Variants in RFX2 observed in about 807,000 individuals in gnomAD.
RFX2 encodes the protein DNA-binding protein RFX2.
RFX2 carries 20 observed loss-of-function variants against 87.8 expected under a neutral mutation model. That is an observed-to-expected ratio of 0.23 (90% CI 0.16 to 0.33). The LOEUF (loss-of-function observed/expected upper bound fraction) is 0.33, where lower values mean the gene tolerates loss of function less well. RFX2 is among the 10% of genes least tolerant of loss of function. The pLI is 1.00. For missense variants in RFX2, 767 were observed against 1,012.3 expected (o/e 0.76, Z 3.29); for synonymous variants, 397 against 431.3 (o/e 0.92, Z 0.98).
At position 6,074,426 on chromosome 19, in the gene RFX2, G is replaced by A. The variant is rs72991066; in HGVS notation, c.-8-26922C>T. 0.054 allele frequency among the ~76,000 whole-genome samples: 8,198 copies of A among 152,168 alleles called. 385 individuals are homozygous for A. The highest frequency in any genetic ancestry group is 0.19 in the South Asian group (939 of 4,822). On this transcript the variant is annotated intron_variant, in intron 1 of 17. Coordinates refer to ENST00000303657, the MANE Select transcript of RFX2 (RefSeq NM_000635.4). The surrounding 1 kb of genome is among the most constrained non-coding windows in gnomAD (Gnocchi z 5.2). ...TCTCCTCACCCCACACAGTGCCCTG[G>A]GTACAGGGGCTGGGGCTTGAAGGGT... is the stretch of plus-strand genomic sequence containing the variant.
intron 5 of RFX2, among the ~76,000 whole-genome samples, chr19:6,035,850 G>GGGGGGTGTGTGTGTGT (rs1555776252): frequency 7.3e-6 from 1 of 137,166 alleles, no homozygotes; most frequent in African/African-American, 3.0e-5. Flanking sequence ...CTTGGTGGGG[G>GGGGGGTGTGTGTGTGT]GTGTGTGTGT....
chr19:6,018,206 G>A (rs2086756940), intron 6 of RFX2, among the ~76,000 whole-genome samples: 1 of 152,192 alleles, frequency 6.6e-6, no homozygotes, highest in African/African-American at 2.4e-5. Context: ...CTGACCTCAG[G>A]TGATCCACCC....
At chr19:6,035,850 G>GGGGGTGTGTGT (rs1555776252) in intron 5 of RFX2, among the ~76,000 whole-genome samples, 1 of 137,166 alleles carries the variant, frequency 7.3e-6, no homozygotes, top group African/African-American at 3.0e-5. Context: ...CTTGGTGGGG[G>GGGGGTGTGTGT]GTGTGTGTGT....
intron 1 of RFX2, among the ~76,000 whole-genome samples, chr19:6,105,339 G>A (rs535592766): frequency 3.9e-5 from 6 of 152,064 alleles, no homozygotes; most frequent in Admixed American, 6.6e-5. Flanking sequence ...GAAGAAAGTC[G>A]GAGAGCCAGC....
rs1047362480 is a variant in RFX2, at chr19:6,001,351, C to T, written c.1859+464G>A. On this transcript the variant is annotated intron_variant, in intron 15 of 17. Transcript: ENST00000303657. This position sits in a 1 kb window ranked among gnomAD's most constrained non-coding sequence, Gnocchi z 5.6. ...AATCTTGGCTCACTGCAGCCTGGAC[C>T]GCCTGGGCTCAAGGATCCTTCCACC... 1.3e-5 allele frequency among the ~76,000 whole-genome samples: 2 copies of T among 152,172 alleles called. No homozygotes were observed. The highest frequency in any genetic ancestry group is 2.9e-5 in the Non-Finnish European group (2 of 68,028).
chr19:6,087,110 A>G (rs182484567), intron 1 of RFX2, among the ~76,000 whole-genome samples: 2 of 152,282 alleles, frequency 1.3e-5, no homozygotes, highest in Non-Finnish European at 2.9e-5. Flanking sequence ...TGACAGAATC[A>G]GTTCACTTCC....
chr19:6,012,886 G>T lies in RFX2; in HGVS notation c.899+100C>A. On this transcript the variant is annotated intron_variant, in intron 8 of 17. Transcript: ENST00000303657. The surrounding 1 kb of genome is among the most constrained non-coding windows in gnomAD (Gnocchi z 4.6). ...ACCTTGGCTTTCCCAGGATGCTGGA[G>T]ACTGGGGAGTTATGATGAGTTTGTT... 1 of 1,217,982 alleles carries T rather than the reference G, an allele frequency of 8.2e-7. No homozygotes were observed. The highest frequency in any genetic ancestry group is 1.1e-6 in the Non-Finnish European group (1 of 931,712). The allele number at this position is 1,217,982 out of a possible 1,614,324, so 75.4% of individuals were successfully genotyped here. A position where few individuals can be genotyped will look rare whatever the true frequency, so the allele number is the denominator to read the frequency against.
rs150433866 is a variant in RFX2 at position 6,004,679 on chromosome 19, T to C, written c.1403-381A>G. 1.9e-3 allele frequency among the ~76,000 whole-genome samples: 288 copies of C among 151,922 alleles called. No homozygotes were observed. The highest frequency in any genetic ancestry group is 6.0e-3 in the African/African-American group (250 of 41,408). On this transcript the variant is annotated intron_variant, in intron 12 of 17. Transcript: ENST00000303657. This position sits in a 1 kb window ranked among gnomAD's most constrained non-coding sequence, Gnocchi z 4.8. ...CCCCAGACAACGATCCAGCCCCAGA[T>C]ATCAACAGTGCCAAGGGAAAGAGGC...
At chr19:6,031,713 A>T (rs1183373491) in intron 5 of RFX2, among the ~76,000 whole-genome samples, 1 of 152,114 alleles carries the variant, frequency 6.6e-6, no homozygotes, top group Non-Finnish European at 1.5e-5. Context: ...TGCAGGTGTG[A>T]GCCACTGCAC....
chr19:6,042,557 C>T (rs1196104110), intron 3 of RFX2, among the ~76,000 whole-genome samples: 1 of 152,124 alleles, frequency 6.6e-6, no homozygotes, highest in Non-Finnish European at 1.5e-5. Flanking sequence ...GTAGCTCAAG[C>T]TGGCGTGCAG....
intron 5 of RFX2, among the ~76,000 whole-genome samples, chr19:6,036,132 G>A (rs1258803938): frequency 1.3e-5 from 2 of 152,106 alleles, no homozygotes; most frequent in East Asian, 3.8e-4. Flanking sequence ...TGCCACATTC[G>A]TGACAATTAC....
chr19:5,998,946 G>A lies in RFX2; in HGVS notation c.1860-1733C>T, dbSNP rs1376416292. ...AACCTAATTTTTATTTTTTATGACT[G>A]CACTGCACGTGCATAAGAATGAAGT... On this transcript the variant is annotated intron_variant, in intron 15 of 17. Transcript: ENST00000303657. The surrounding 1 kb of genome is among the most constrained non-coding windows in gnomAD (Gnocchi z 4.2). 6.6e-6 allele frequency among the ~76,000 whole-genome samples: 1 copy of A among 152,190 alleles called. No individual in the cohort carries two copies. The highest frequency in any genetic ancestry group is 1.5e-5 in the Non-Finnish European group (1 of 68,044).
intron 1 of RFX2, among the ~76,000 whole-genome samples, chr19:6,084,608 A>G (rs1309897617): frequency 6.6e-6 from 1 of 151,314 alleles, no homozygotes; most frequent in Non-Finnish European, 1.5e-5. Flanking sequence ...GGGTGGAATC[A>G]CACTGGATTT....
intron 1 of RFX2, among the ~76,000 whole-genome samples, chr19:6,104,709 G>C (rs182368254): frequency 6.6e-6 from 1 of 152,242 alleles, no homozygotes. Context: ...ACCCAATGCA[G>C]CTCTCAACTC....
intron 1 of RFX2, among the ~76,000 whole-genome samples, chr19:6,049,809 T>G (rs1414186059): frequency 2.6e-5 from 4 of 152,240 alleles, no homozygotes; most frequent in Non-Finnish European, 4.4e-5. Context: ...ATTACAGGCA[T>G]AAGCCACCGT....
Position 6,012,439 on chromosome 19 carries a change from A to C in RFX2, c.899+547T>G, listed in dbSNP as rs1265202443. Among the ~76,000 whole-genome samples the C allele has an allele frequency of 6.6e-6, 1 of 152,194 alleles. No homozygotes were observed. Among genetic ancestry groups the C allele is most frequent in the African/African-American group, 2.4e-5 (1 of 41,436 alleles). Reference sequence around the variant, plus strand: ...TGGGGAGGGAAAGCTGGGTAGGCAGAACATGGAGGATGTGTAGGACTGTGA... The same window carrying C: ...TGGGGAGGGAAAGCTGGGTAGGCAGCACATGGAGGATGTGTAGGACTGTGA... On this transcript the variant is annotated intron_variant, in intron 8 of 17. Coordinates refer to ENST00000303657, the MANE Select transcript of RFX2 (RefSeq NM_000635.4). This position sits in a 1 kb window ranked among gnomAD's most constrained non-coding sequence, Gnocchi z 4.6.
chr19:6,000,913 T>G (rs1286997353), intron 15 of RFX2, among the ~76,000 whole-genome samples: 1 of 152,242 alleles, frequency 6.6e-6, no homozygotes, highest in East Asian at 1.9e-4. Context: ...GGGTAATAAC[T>G]GGCTCTTTTT....
At position 6,010,466 on chromosome 19, in the gene RFX2, G is replaced by A. The variant is rs545108782; in HGVS notation, c.900-215C>T. 1.3e-5 allele frequency among the ~76,000 whole-genome samples: 2 copies of A among 152,308 alleles called. No individual in the cohort carries two copies. The highest frequency in any genetic ancestry group is 2.9e-5 in the Non-Finnish European group (2 of 68,026). On this transcript the variant is annotated intron_variant, in intron 8 of 17. Coordinates refer to ENST00000303657, the MANE Select transcript of RFX2 (RefSeq NM_000635.4). This position sits in a 1 kb window ranked among gnomAD's most constrained non-coding sequence, Gnocchi z 5.0. ...ATTCACTGGTTGTGCAACCCTCACC[G>A]TCGTCATCTCCAGAACTTGATCATC...
intron 4 of RFX2, among the ~76,000 whole-genome samples, chr19:6,041,439 C>T (rs907903945): frequency 6.6e-6 from 1 of 152,138 alleles, no homozygotes; most frequent in East Asian, 1.9e-4. Flanking sequence ...CCAAGCATCA[C>T]ACAGTTACAG....
Sources: allele counts gnomAD v4.1 joint callset (sites outside exome capture counted in the v4.1 genomes callset), GRCh38; gene constraint gnomAD v4.1.1; non-coding constraint Gnocchi (gnomAD v3.1); transcripts MANE v1.5; gene names NCBI Gene and HGNC (gene_info 2026-07-23, HGNC 2026-07-21).